The following FBXW8 variants were observed in gnomAD, a reference collection of about 807,000 sequenced individuals.
FBXW8 encodes F-box and WD repeat domain containing 8.
Under a neutral mutation model 65.3 loss-of-function variants are expected in FBXW8, and 57 were observed. That is an observed-to-expected ratio of 0.87 (90% CI 0.71 to 1.09). The LOEUF (loss-of-function observed/expected upper bound fraction) is 1.09, where lower values mean the gene tolerates loss of function less well. Among genes scored for constraint, FBXW8 ranks in the 50% least tolerant of loss-of-function variants. The pLI, the probability that FBXW8 is intolerant of heterozygous loss-of-function variation, is 0.00. For synonymous variants in FBXW8, 308 were observed against 330.2 expected, an observed-to-expected ratio of 0.93 and a Z score of 0.73; for missense variants, 777 against 814.8, an observed-to-expected ratio of 0.95 and a Z score of 0.57.
chr12:117,027,131 A>T (rs1954250997), intron 9 of FBXW8, among the ~76,000 whole-genome samples: 1 of 152,160 alleles, frequency 6.6e-6, no homozygotes, highest in African/African-American at 2.4e-5. Context: ...TCTGGAATGT[A>T]CCAGGTTGTG....
At chr12:116,942,770 ATTTTTTTT>A (rs71099022) in intron 2 of FBXW8, among the ~76,000 whole-genome samples, 7 of 64,370 alleles carry the variant, frequency 1.1e-4, no homozygotes, top group South Asian at 1.4e-3. Flanking sequence ...CAGAGCTTCT[ATTTTTTTT>A]TTTTTTTTTT....
At position 117,028,047 on chromosome 12, in the gene FBXW8, G is replaced by A. The variant is rs139429411; in HGVS notation, c.1672G>A (p.Ala558Thr). ...TTCTAGACACCGGGGGCTGATCCGCGCCTATGAGTTTGCGGTGGACCAGCT... is the reference window on the plus strand; with the variant it reads ...TTCTAGACACCGGGGGCTGATCCGCACCTATGAGTTTGCGGTGGACCAGCT... ...THRRHRGLIR[A>T]YEFAVDQLAF... is the part of the protein sequence containing the mutation. Residue 558 changes from alanine to threonine, a missense_variant, in exon 11 of 11, where the codon GCC (alanine) becomes ACC (threonine). Coordinates refer to ENST00000652555, the MANE Select transcript of FBXW8 (RefSeq NM_153348.3). The surrounding 1 kb of genome is among the most constrained non-coding windows in gnomAD (Gnocchi z 4.1). 142 of 1,614,054 alleles carry A rather than the reference G, an allele frequency of 8.8e-5. No individual in the cohort carries two copies. Among genetic ancestry groups the A allele is most frequent in the Middle Eastern group, 6.6e-4 (4 of 6,060 alleles).
Position 116,942,864 on chromosome 12 carries a change from G to A in FBXW8, c.424-2500G>A, listed in dbSNP as rs537758714. ...GTGATCTCGGCTCACTGCAACCTCT[G>A]CCTCCCGGGTTCAAATGATTTTCCT... is the stretch of plus-strand genomic sequence containing the variant. On this transcript the variant is annotated intron_variant, in intron 2 of 10. Coordinates refer to ENST00000652555, the MANE Select transcript of FBXW8 (RefSeq NM_153348.3). 4.6e-5 allele frequency among the ~76,000 whole-genome samples: 6 copies of A among 129,890 alleles called. No homozygotes were observed. In the East Asian group the frequency reaches 1.4e-3, roughly 30 times the overall value. The allele number at this position is 129,890 out of a possible 152,430, so 85.2% of individuals were successfully genotyped here.
intron 3 of FBXW8, among the ~76,000 whole-genome samples, chr12:116,948,356 C>T (rs1429036217): frequency 6.6e-6 from 1 of 152,182 alleles, no homozygotes; most frequent in Admixed American, 6.5e-5. Flanking sequence ...CCCCATATCT[C>T]CACTTGTAGG....
Position 117,030,931 on chromosome 12 carries a change from G to A in FBXW8, c.*2759G>A, listed in dbSNP as rs1954344094. 6.6e-6 allele frequency: 1 copy of A among 152,170 alleles called. No homozygotes were observed. Among genetic ancestry groups the A allele is most frequent in the South Asian group, 2.1e-4 (1 of 4,828 alleles). 9.4% of individuals were successfully genotyped at this position (152,170 alleles called of 1,614,324 possible). A position where few individuals can be genotyped will look rare whatever the true frequency, so the allele number is the denominator to read the frequency against. On this transcript the variant is annotated 3_prime_UTR_variant, in exon 11 of 11. Coordinates refer to ENST00000652555, the MANE Select transcript of FBXW8 (RefSeq NM_153348.3). ...AGACCCTTTCACAAACAAGTTCTGA[G>A]TTTTTAGCCAATTGATCCTCTACTT...
Position 116,985,206 on chromosome 12 carries a change from G to T in FBXW8, c.836G>T (p.Gly279Val). 1 of 1,595,452 alleles carries T rather than the reference G, an allele frequency of 6.3e-7. No homozygotes were observed. Among genetic ancestry groups the T allele is most frequent in the East Asian group, 2.2e-5 (1 of 44,606 alleles). Residue 279 changes from glycine to valine, a missense_variant and splice_region_variant, in exon 6 of 11, where the codon GGG becomes GTG. Physicochemically the swap from Gly to Val is moderately radical, Grantham distance 109. Transcript: ENST00000652555. The part of the protein sequence containing the change: ...SSLAVAAYED[G>V]FLNIWDLRTG... ...ACCTGCATTGTTTCTTGCTGCATAG[G>T]GTTTCTTAATATTTGGGATTTAAGG...
chr12:117,019,982 A>C (rs1464560056), intron 8 of FBXW8, among the ~76,000 whole-genome samples: 1 of 152,208 alleles, frequency 6.6e-6, no homozygotes, highest in Admixed American at 6.5e-5. Flanking sequence ...CCCTCTTCCC[A>C]GCAGCCTTGT....
At chr12:116,969,467 G>A (rs1011007331) in intron 5 of FBXW8, among the ~76,000 whole-genome samples, 1 of 152,112 alleles carries the variant, frequency 6.6e-6, no homozygotes, top group Non-Finnish European at 1.5e-5. Flanking sequence ...AGCTACTTTT[G>A]GGCAAAGACA....
intron 1 of FBXW8, among the ~76,000 whole-genome samples, chr12:116,926,823 C>G (rs773281456): frequency 3.3e-5 from 5 of 152,092 alleles, no homozygotes; most frequent in Non-Finnish European, 7.3e-5. Flanking sequence ...ATGCTCTGGG[C>G]TGTCTTTTAG....
intron 2 of FBXW8, among the ~76,000 whole-genome samples, chr12:116,940,849 T>C (rs907130594): frequency 1.3e-5 from 2 of 152,154 alleles, no homozygotes; most frequent in African/African-American, 4.8e-5. Flanking sequence ...TGAGGTGTTA[T>C]TGAGTCTTGA....
intron 5 of FBXW8, among the ~76,000 whole-genome samples, chr12:116,974,140 C>T (rs773376123): frequency 8.5e-5 from 13 of 152,302 alleles, no homozygotes; most frequent in Non-Finnish European, 1.6e-4. Flanking sequence ...AGTGAGGGCT[C>T]AGGGAAGCCA....
At chr12:117,014,089 A>G (rs542994984) in intron 8 of FBXW8, among the ~76,000 whole-genome samples, 1 of 152,292 alleles carries the variant, frequency 6.6e-6, no homozygotes, top group East Asian at 1.9e-4. Context: ...AAATTTTCCA[A>G]CAGGCCACCA....
chr12:116,932,129 T>A (rs1173039417), intron 2 of FBXW8, among the ~76,000 whole-genome samples: 1 of 152,206 alleles, frequency 6.6e-6, no homozygotes, highest in Non-Finnish European at 1.5e-5. Context: ...TGTTAATGCA[T>A]TGTATTACAT....
intron 2 of FBXW8, among the ~76,000 whole-genome samples, chr12:116,929,013 C>G (rs1306253441): frequency 6.6e-6 from 1 of 152,018 alleles, no homozygotes; most frequent in Non-Finnish European, 1.5e-5. Context: ...ATTTCACTGG[C>G]CAGCCTGGTC....
chr12:116,945,641 C>T (rs980187532), intron 3 of FBXW8, 113 bp downstream of exon 3: 7 of 962,312 alleles, frequency 7.3e-6, no homozygotes, highest in Non-Finnish European at 9.1e-6. Context: ...GAGAGGGGTA[C>T]ACTGAGCCTC....
At chr12:117,026,900 T>G (rs1055983587) in intron 9 of FBXW8, among the ~76,000 whole-genome samples, 7 of 152,322 alleles carry the variant, frequency 4.6e-5, no homozygotes, top group African/African-American at 1.7e-4. Flanking sequence ...TCCAAGATTT[T>G]CCGAACGTGC....
At chr12:116,923,759 C>T (rs185055888) in intron 1 of FBXW8, among the ~76,000 whole-genome samples, 1,575 of 151,890 alleles carry the variant, frequency 0.01, 35 homozygotes, top group African/African-American at 0.036. Flanking sequence ...CTTGCTCTGT[C>T]GCCCGGGCTG....
At chr12:116,983,951 C>T (rs889389501) in intron 5 of FBXW8, among the ~76,000 whole-genome samples, 4 of 152,154 alleles carry the variant, frequency 2.6e-5, no homozygotes, top group African/African-American at 4.8e-5. Context: ...CCCCTAAGTC[C>T]GTCAGCTAAC....
At position 116,936,321 on chromosome 12, in the gene FBXW8, G is replaced by A. The variant is rs1023520724; in HGVS notation, c.423+8194G>A. Among the ~76,000 whole-genome samples, 2 of 152,242 alleles carry A rather than the reference G, an allele frequency of 1.3e-5. No homozygotes were observed. The highest frequency in any genetic ancestry group is 4.8e-5 in the African/African-American group (2 of 41,476). On this transcript the variant is annotated intron_variant, in intron 2 of 10. Coordinates refer to ENST00000652555, the MANE Select transcript of FBXW8 (RefSeq NM_153348.3). This position sits in a 1 kb window ranked among gnomAD's most constrained non-coding sequence, Gnocchi z 4.6. ...AAGAACAGCAGGAAGGTCCAAGTGG[G>A]TGGTTGTCGTACGCTGAATAATGGC...
Sources: gnomAD v4.1 joint callset for allele counts (sites outside exome capture counted in the v4.1 genomes callset) on GRCh38, gnomAD v4.1.1 for gene constraint, Gnocchi (gnomAD v3.1) non-coding constraint, MANE v1.5 for transcripts, NCBI Gene and HGNC (gene_info 2026-07-23, HGNC 2026-07-21) for gene names.